The following ZNF362 variants were observed in gnomAD, a reference collection of about 807,000 sequenced individuals.
ZNF362 encodes the protein rotund homolog.
ZNF362 carries 11 observed loss-of-function variants against 42.9 expected under a neutral mutation model. The observed-to-expected ratio is 0.26, with a 90% CI of 0.16 to 0.42. ZNF362 has a LOEUF of 0.42. Ranked by LOEUF, ZNF362 falls within the 20% of genes least tolerant of loss-of-function variation. ZNF362 has a pLI of 1.00. For missense variants in ZNF362, 362 were observed against 576.2 expected (o/e 0.63, Z 3.81); for synonymous variants, 255 against 257.3 (o/e 0.99, Z 0.09).
chr1:33,128,001 A>G, the ZNF362 span, among the ~76,000 whole-genome samples: 2 of 152,138 alleles, frequency 1.3e-5, no homozygotes, highest in Non-Finnish European at 1.5e-5. Context: ...ACTCTCTGCC[A>G]CAGTTTCTGA....
chr1:33,223,380 A>G, the ZNF362 span, among the ~76,000 whole-genome samples: 1 of 152,216 alleles, frequency 6.6e-6, no homozygotes, highest in African/African-American at 2.4e-5. Flanking sequence ...ACCCACGTGG[A>G]ACTGTAAGTC....
the ZNF362 span, among the ~76,000 whole-genome samples, chr1:33,204,406 T>C: frequency 6.6e-6 from 1 of 152,196 alleles, no homozygotes; most frequent in African/African-American, 2.4e-5. Flanking sequence ...TCAGGAAATG[T>C]GATGCCTTCA....
At chr1:33,214,410 A>G in the ZNF362 span, among the ~76,000 whole-genome samples, 2 of 152,244 alleles carry the variant, frequency 1.3e-5, no homozygotes, top group East Asian at 1.9e-4. Flanking sequence ...AAACATTGGG[A>G]AAACTCTCTA....
rs573387941 is a variant in ZNF362 at position 33,289,632 on chromosome 1, C to T, written c.909-5305C>T. ...TGAAATACACCCAGAGCATGGAAGTCGCTGATAATGTGGAACCTATTTCTC... is the reference window on the plus strand; with the variant it reads ...TGAAATACACCCAGAGCATGGAAGTTGCTGATAATGTGGAACCTATTTCTC... On this transcript the variant is annotated intron_variant, in intron 6 of 8. Transcript: ENST00000539719. Among the ~76,000 whole-genome samples the T allele has an allele frequency of 3.9e-5, 6 of 152,144 alleles. No homozygotes were observed. The South Asian group carries it at 8.3e-4, about 21-fold the overall frequency.
chr1:33,161,509 G>A, the ZNF362 span, among the ~76,000 whole-genome samples: 3 of 152,146 alleles, frequency 2.0e-5, no homozygotes, highest in Non-Finnish European at 2.9e-5. This position sits in a 1 kb window ranked among gnomAD's most constrained non-coding sequence, Gnocchi z 4.3. Flanking sequence ...TCCCCGACGC[G>A]CGGCTGCTGG....
chr1:33,287,860 T>G (rs1215675073), intron 6 of ZNF362, among the ~76,000 whole-genome samples: 3 of 152,336 alleles, frequency 2.0e-5, no homozygotes, highest in South Asian at 2.1e-4. Flanking sequence ...TCATAAGAGA[T>G]AATGAATTTG....
chr1:33,201,887 A>G, the ZNF362 span, among the ~76,000 whole-genome samples: 1 of 152,240 alleles, frequency 6.6e-6, no homozygotes, highest in Non-Finnish European at 1.5e-5. Context: ...TTGGGAAAAA[A>G]GGGAAAGAAA....
At chr1:33,214,532 G>A in the ZNF362 span, among the ~76,000 whole-genome samples, 1 of 152,076 alleles carries the variant, frequency 6.6e-6, no homozygotes, top group South Asian at 2.1e-4. Flanking sequence ...GCACAGCAAA[G>A]GAAACAATCA....
chr1:33,241,609 G>A, the ZNF362 span, among the ~76,000 whole-genome samples: 7 of 151,898 alleles, frequency 4.6e-5, no homozygotes, highest in African/African-American at 1.5e-4. Context: ...CTGGTGTATA[G>A]AAATCATGGA....
intron 6 of ZNF362, 200 bp downstream of exon 6, chr1:33,282,011 C>T: frequency 1.7e-6 from 1 of 600,518 alleles, no homozygotes; most frequent in Non-Finnish European, 3.0e-6. Flanking sequence ...TAGGTCTTTG[C>T]ACATGCTGTG....
chr1:33,136,289 C>T, the ZNF362 span, among the ~76,000 whole-genome samples: 30 of 149,530 alleles, frequency 2.0e-4, no homozygotes, highest in African/African-American at 6.4e-4. Flanking sequence ...CTCTTCCTTT[C>T]CTTTCTTTCT....
the ZNF362 span, chr1:33,176,520 G>T: frequency 6.1e-6 from 4 of 659,326 alleles, no homozygotes; most frequent in South Asian, 6.2e-5. Flanking sequence ...GACTGAATCG[G>T]ATCCCCTCTC....
the ZNF362 span, among the ~76,000 whole-genome samples, chr1:33,240,200 C>T: frequency 6.6e-6 from 1 of 152,132 alleles, no homozygotes; most frequent in African/African-American, 2.4e-5. Context: ...AAAGTTAACA[C>T]AGCCTATATT....
intron 1 of ZNF362, among the ~76,000 whole-genome samples, chr1:33,260,836 G>GA (rs1645824006): frequency 6.6e-6 from 1 of 152,148 alleles, no homozygotes; most frequent in Non-Finnish European, 1.5e-5. Flanking sequence ...TTAAATCATG[G>GA]AATCTAAGAA....
intron 6 of ZNF362, among the ~76,000 whole-genome samples, chr1:33,283,736 G>A (rs1388274938): frequency 6.6e-6 from 1 of 152,130 alleles, no homozygotes; most frequent in Non-Finnish European, 1.5e-5. Context: ...GAATAAAATG[G>A]TACAATGGCA....
the ZNF362 span, among the ~76,000 whole-genome samples, chr1:33,155,215 G>A: frequency 2.6e-5 from 4 of 151,680 alleles, no homozygotes; most frequent in African/African-American, 9.7e-5. Context: ...GGGATTACAG[G>A]CGTGTACCAC....
the ZNF362 span, among the ~76,000 whole-genome samples, chr1:33,210,733 G>A: frequency 2.6e-5 from 4 of 151,958 alleles, no homozygotes; most frequent in Non-Finnish European, 4.4e-5. Flanking sequence ...TTTTATCAGA[G>A]ACCCAGGATT....
At chr1:33,278,010 C>T (rs1645964280) in intron 4 of ZNF362, among the ~76,000 whole-genome samples, 1 of 152,218 alleles carries the variant, frequency 6.6e-6, no homozygotes. Context: ...CCAAGAATTA[C>T]AGGGCCTGGT....
the ZNF362 span, among the ~76,000 whole-genome samples, chr1:33,134,232 C>A: frequency 1.3e-5 from 2 of 152,194 alleles, no homozygotes; most frequent in Admixed American, 1.3e-4. Context: ...ACTGTTATTT[C>A]GACTCATTTG....
Sources: gnomAD v4.1 joint callset for allele counts (sites outside exome capture counted in the v4.1 genomes callset) on GRCh38, gnomAD v4.1.1 for gene constraint, Gnocchi (gnomAD v3.1) non-coding constraint, MANE v1.5 for transcripts, NCBI Gene and HGNC (gene_info 2026-07-23, HGNC 2026-07-21) for gene names.